The following OSBPL1A variants were observed in gnomAD, a reference collection of about 807,000 sequenced individuals.
The protein encoded by OSBPL1A is oxysterol-binding protein-related protein 1.
In OSBPL1A, 80 loss-of-function variants were observed where a neutral mutation model predicts 137.1. The observed-to-expected ratio is 0.58, with a 90% CI of 0.49 to 0.70. The LOEUF (loss-of-function observed/expected upper bound fraction) is 0.70, where lower values mean the gene tolerates loss of function less well. OSBPL1A is among the 30% of genes least tolerant of loss of function. OSBPL1A has a pLI of 0.00. For synonymous variants in OSBPL1A, 365 were observed against 389.7 expected (o/e 0.94, Z 0.75); for missense variants, 970 against 1,129.4 (o/e 0.86, Z 2.02).
intron 4 of OSBPL1A, chr18:24,347,840 T>TG (rs1438615481): frequency 9.1e-5 from 4 of 43,924 alleles, no homozygotes; most frequent in African/African-American, 5.9e-4. Context: ...ACACTCCATC[T>TG]GAAAAAAAAA....
chr18:24,263,734 C>G (rs1348790444), intron 15 of OSBPL1A, among the ~76,000 whole-genome samples: 1 of 152,172 alleles, frequency 6.6e-6, no homozygotes. Flanking sequence ...CTCCCGGGTT[C>G]AAGTGATTCT....
chr18:24,302,655 C>T (rs1289538987), intron 14 of OSBPL1A: 1 of 152,194 alleles, frequency 6.6e-6, no homozygotes, highest in Non-Finnish European at 1.5e-5. Context: ...CTCCTGACCT[C>T]AGGTGATCCA....
chr18:24,273,429 A>G (rs1174489913), intron 15 of OSBPL1A, among the ~76,000 whole-genome samples: 2 of 152,242 alleles, frequency 1.3e-5, no homozygotes, highest in Non-Finnish European at 2.9e-5. Flanking sequence ...GGCAATCTAC[A>G]TGGCTCCTAA....
At chr18:24,260,532 G>T (rs1362260280) in intron 15 of OSBPL1A, among the ~76,000 whole-genome samples, 3 of 152,172 alleles carry the variant, frequency 2.0e-5, no homozygotes, top group African/African-American at 4.8e-5. Context: ...TAGGCTAAGG[G>T]AGAAAGCCAG....
chr18:24,247,889 GGTT>G (rs1208742027), intron 15 of OSBPL1A, among the ~76,000 whole-genome samples: 1 of 152,176 alleles, frequency 6.6e-6, no homozygotes, highest in East Asian at 1.9e-4. Context: ...TGCTGGAAGG[GGTT>G]GTGGGGTCAA....
In OSBPL1A at chr18:24,271,928, C is replaced by A; in HGVS notation, c.1281+8914G>T. On this transcript the variant is annotated intron_variant, in intron 15 of 27. Transcript: ENST00000319481. The surrounding 1 kb of genome is among the most constrained non-coding windows in gnomAD (Gnocchi z 4.0). The stretch of plus-strand genomic sequence containing the variant: ...GCCGCAGAGGTCTGCGCTGCCCCTC[C>A]GCCGCCGCTGGCTCGGCCGCAGACC... The A allele has an allele frequency of 1.0e-6, 1 of 983,568 alleles. No homozygotes were observed. Among genetic ancestry groups the A allele is most frequent in the Non-Finnish European group, 1.2e-6 (1 of 829,384 alleles). The allele number at this position is 983,568 out of a possible 1,614,324, so 60.9% of individuals were successfully genotyped here.
At position 24,287,885 on chromosome 18, in the gene OSBPL1A, G is replaced by A. The variant is rs1043192957; in HGVS notation, c.1175-6937C>T. Among the ~76,000 whole-genome samples the A allele has an allele frequency of 2.0e-5, 3 of 152,196 alleles. No homozygotes were observed. The East Asian group carries it at 5.8e-4, about 29-fold the overall frequency. On this transcript the variant is annotated intron_variant, in intron 14 of 27. Transcript: ENST00000319481. ...TCATAGCCACACTGTCTCACCTATT[G>A]GATTCTTCAACCTTGCTGCCTGAAA...
intron 7 of OSBPL1A, among the ~76,000 whole-genome samples, chr18:24,331,919 T>C (rs1463076036): frequency 6.6e-6 from 1 of 152,144 alleles, no homozygotes; most frequent in African/African-American, 2.4e-5. Flanking sequence ...AAAATGTGGG[T>C]TGCCCAGTGC....
intron 4 of OSBPL1A, among the ~76,000 whole-genome samples, chr18:24,363,038 C>G (rs1328926857): frequency 2.6e-5 from 4 of 152,192 alleles, no homozygotes; most frequent in Non-Finnish European, 4.4e-5. Flanking sequence ...TGATTTAAAA[C>G]AAAAGGCAAA....
intron 15 of OSBPL1A, among the ~76,000 whole-genome samples, chr18:24,266,177 C>T (rs1211673563): frequency 6.6e-6 from 1 of 152,118 alleles, no homozygotes; most frequent in East Asian, 1.9e-4. Context: ...TGCCTGGGGA[C>T]CCTACATAAT....
chr18:24,168,433 G>C (rs2086194930), intron 24 of OSBPL1A, among the ~76,000 whole-genome samples: 1 of 152,308 alleles, frequency 6.6e-6, no homozygotes, highest in East Asian at 1.9e-4. Flanking sequence ...CTGATGAAAA[G>C]AGAATTTTTC....
chr18:24,167,026 G>A (rs897864598), intron 25 of OSBPL1A, among the ~76,000 whole-genome samples: 6 of 152,142 alleles, frequency 3.9e-5, no homozygotes, highest in African/African-American at 1.4e-4. Context: ...GGCTGGTACT[G>A]ACTAGGCTGC....
At chr18:24,261,080 A>C (rs556873012) in intron 15 of OSBPL1A, among the ~76,000 whole-genome samples, 6 of 152,310 alleles carry the variant, frequency 3.9e-5, no homozygotes, top group Admixed American at 1.3e-4. Context: ...AAAAGGAGTT[A>C]ACTATTGATA....
chr18:24,331,077 G>A (rs1298976280), intron 7 of OSBPL1A, among the ~76,000 whole-genome samples: 1 of 152,148 alleles, frequency 6.6e-6, no homozygotes, highest in Non-Finnish European at 1.5e-5. Flanking sequence ...ACAGGCTTGA[G>A]CCACCGGCCT....
chr18:24,187,195 C>G (rs1310346715), intron 18 of OSBPL1A, among the ~76,000 whole-genome samples: 1 of 152,072 alleles, frequency 6.6e-6, no homozygotes, highest in East Asian at 1.9e-4. Context: ...TAAGAAAGGG[C>G]TCTGAACAGA....
At chr18:24,260,155 A>T (rs552724927) in intron 15 of OSBPL1A, among the ~76,000 whole-genome samples, 128 of 152,086 alleles carry the variant, frequency 8.4e-4, no homozygotes, top group East Asian at 2.3e-3. Context: ...AATTTTTTTT[A>T]AAAAAAAGAA....
chr18:24,276,261 G>C (rs1201577562), intron 15 of OSBPL1A, among the ~76,000 whole-genome samples: 1 of 152,102 alleles, frequency 6.6e-6, no homozygotes, highest in Non-Finnish European at 1.5e-5. Flanking sequence ...CCAGTTTCTG[G>C]CATTTTGAAT....
intron 14 of OSBPL1A, among the ~76,000 whole-genome samples, chr18:24,300,164 A>C (rs922930343): frequency 1.3e-5 from 2 of 152,190 alleles, no homozygotes; most frequent in Admixed American, 1.3e-4. Flanking sequence ...ATATACAGAA[A>C]CTCTGATATT....
intron 4 of OSBPL1A, among the ~76,000 whole-genome samples, chr18:24,361,404 G>A (rs776743743): frequency 1.3e-5 from 2 of 152,154 alleles, no homozygotes; most frequent in South Asian, 4.1e-4. Context: ...GGTGAAGTTG[G>A]TTTCCTTATA....
Sources: allele counts gnomAD v4.1 joint callset (sites outside exome capture counted in the v4.1 genomes callset), GRCh38; gene constraint gnomAD v4.1.1; non-coding constraint Gnocchi (gnomAD v3.1); transcripts MANE v1.5; gene names NCBI Gene and HGNC (gene_info 2026-07-23, HGNC 2026-07-21).